Variants in FGL1 observed in about 807,000 individuals in gnomAD.
The protein encoded by FGL1 is fibrinogen like 1, also known as fibrinogen-like protein 1.
Under a neutral mutation model 43.7 loss-of-function variants are expected in FGL1, and 59 were observed. The ratio of observed to expected loss-of-function variants is 1.35; its 90% CI spans 1.10 to 1.68. The LOEUF (loss-of-function observed/expected upper bound fraction) is 1.68, where lower values mean the gene tolerates loss of function less well. FGL1 is among the 40% of genes most tolerant of loss of function. The probability of loss-of-function intolerance (pLI) is 0.00; values close to 1 mark genes in which losing one functional copy is unlikely to be tolerated. For synonymous variants in FGL1, 192 were observed against 126.5 expected, an observed-to-expected ratio of 1.52 and a Z score of -3.48; for missense variants, 596 against 373.0, an observed-to-expected ratio of 1.60 and a Z score of -4.92.
At chr8:17,885,418 T>G in intron 2 of FGL1, 74 bp downstream of exon 2, 1 of 1,272,444 alleles carries the variant, frequency 7.9e-7, no homozygotes, top group South Asian at 1.3e-5. Flanking sequence ...ACTATAGGTT[T>G]AATGCAAAAT....
intron 3 of FGL1, among the ~76,000 whole-genome samples, chr8:17,875,493 T>TCCG (rs1563452155): frequency 2.7e-4 from 2 of 7,448 alleles, no homozygotes; most frequent in East Asian, 2.9e-3. Context: ...CTTTCTTTCT[T>TCCG]TCTTTCTTTC....
At chr8:17,871,747 G>T (rs1393028319) in intron 5 of FGL1, among the ~76,000 whole-genome samples, 1 of 152,132 alleles carries the variant, frequency 6.6e-6, no homozygotes, top group Non-Finnish European at 1.5e-5. Flanking sequence ...ACTGGCTATT[G>T]TCTGGATTGA....
At chr8:17,893,480 T>TA (rs2129442441) in intron 1 of FGL1, among the ~76,000 whole-genome samples, 1 of 150,730 alleles carries the variant, frequency 6.6e-6, no homozygotes, top group African/African-American at 2.4e-5. Flanking sequence ...TTAGATTTAG[T>TA]AAAAAATAAA....
Position 17,864,792 on chromosome 8 carries a change from T to C in FGL1, c.780-41A>G, listed in dbSNP as rs199847877. ...AAAAAAAAGAAAACAACAATCAGAC[T>C]GGAAAAATATTGTTCAGAATCCCTT... On this transcript the variant is annotated intron_variant, in intron 7 of 7. Coordinates refer to ENST00000427924, the MANE Select transcript of FGL1 (RefSeq NM_004467.4). The C allele has an allele frequency of 1.5e-5, 21 of 1,402,166 alleles. No individual in the cohort carries two copies. In the Admixed American group the frequency reaches 4.4e-4, roughly 29 times the overall value. The allele number at this position is 1,402,166 out of a possible 1,614,324, so 86.9% of individuals were successfully genotyped here.
chr8:17,884,439 C>A (rs1034609275), intron 2 of FGL1, among the ~76,000 whole-genome samples: 2 of 152,150 alleles, frequency 1.3e-5, no homozygotes, highest in Non-Finnish European at 2.9e-5. Context: ...AAGCGATCCA[C>A]CCACCTCGGC....
rs1563452221 is a variant in FGL1, at chr8:17,875,507, CTTTCTTTCTTTCTTTCTTTCTTTCTTTCT to C, written c.245-1015_245-987del. Among the ~76,000 whole-genome samples, 10 of 8,294 alleles carry C rather than the reference CTTTCTTTCTTTCTTTCTTTCTTTCTTTCT, an allele frequency of 1.2e-3. 1 individual carries two copies. The highest frequency in any genetic ancestry group is 4.3e-3 in the African/African-American group (9 of 2,096). The allele number at this position is 8,294 out of a possible 152,430, so 5.4% of individuals were successfully genotyped here. Reference sequence around the variant, plus strand: ...TCTTTCTTTCTTTCTTTCTTTCTTTCTTTCTTTCTTTCTTTCTTTCTTTCTTTCTCTTTCTTTCTTTCTTTCTTTCTTTC... The same window carrying C: ...TCTTTCTTTCTTTCTTTCTTTCTTTCCTTTCTTTCTTTCTTTCTTTCTTTC... On this transcript the variant is annotated intron_variant, in intron 3 of 7. Transcript: ENST00000427924.
chr8:17,873,240 G>A lies in FGL1; in HGVS notation c.502+779C>T, dbSNP rs145867690. Among the ~76,000 whole-genome samples the A allele has an allele frequency of 1.5e-3, 232 of 152,220 alleles. 1 individual carries two copies. The highest frequency in any genetic ancestry group is 5.3e-3 in the African/African-American group (221 of 41,524). On this transcript the variant is annotated intron_variant, in intron 5 of 7. Coordinates refer to ENST00000427924, the MANE Select transcript of FGL1 (RefSeq NM_004467.4). Reference sequence around the variant, plus strand: ...ACCAATAGAAGAAAAATGACTCCATGCCAATTCTGGGCCTAGATCTCAAGA... The same window carrying A: ...ACCAATAGAAGAAAAATGACTCCATACCAATTCTGGGCCTAGATCTCAAGA...
At chr8:17,867,738 G>A (rs1394314881) in intron 7 of FGL1, among the ~76,000 whole-genome samples, 1 of 152,194 alleles carries the variant, frequency 6.6e-6, no homozygotes, top group Non-Finnish European at 1.5e-5. Flanking sequence ...TGGGCAGAAA[G>A]AATCCAATGG....
Position 17,864,469 on chromosome 8 carries a change from G to C in FGL1, c.*123C>G. Reference sequence around the variant, plus strand: ...CACATTAAGTAACAAAGGCAAGTGAGAAGAATGAAAAGCACTACTCACAAC... The same window carrying C: ...CACATTAAGTAACAAAGGCAAGTGACAAGAATGAAAAGCACTACTCACAAC... On this transcript the variant is annotated 3_prime_UTR_variant, in exon 8 of 8. Transcript: ENST00000427924. The C allele has an allele frequency of 9.7e-7, 1 of 1,028,574 alleles. No individual in the cohort carries two copies. Among genetic ancestry groups the C allele is most frequent in the Non-Finnish European group, 1.4e-6 (1 of 727,200 alleles). The allele number at this position is 1,028,574 out of a possible 1,614,324, so 63.7% of individuals were successfully genotyped here.
Position 17,874,420 on chromosome 8 carries a change from C to T in FGL1, c.346G>A (p.Asp116Asn), listed in dbSNP as rs142975385. Reference protein sequence around the residue: ...AEFSVYCDMSDGGGWTVIQRR... With the variant: ...AEFSVYCDMSNGGGWTVIQRR... Reference sequence around the variant, plus strand: ...TGAATTACAGTCCATCCTCCTCCATCGGACATGTCACAATAAACAGAAAAT... The same window carrying T: ...TGAATTACAGTCCATCCTCCTCCATTGGACATGTCACAATAAACAGAAAAT... The change falls in exon 4 of 8, where the codon GAT becomes AAT. Residue 116 changes from aspartate to asparagine, a missense_variant. Physicochemically the swap from Asp to Asn is conservative, Grantham distance 23. Coordinates refer to ENST00000427924, the MANE Select transcript of FGL1 (RefSeq NM_004467.4). 3.5e-5 allele frequency: 56 copies of T among 1,614,010 alleles called. No individual in the cohort carries two copies. The highest frequency in any genetic ancestry group is 1.1e-4 in the African/African-American group (8 of 74,926).
At chr8:17,876,624 G>T (rs1183406800) in intron 3 of FGL1, among the ~76,000 whole-genome samples, 2 of 152,146 alleles carry the variant, frequency 1.3e-5, no homozygotes, top group African/African-American at 4.8e-5. Context: ...ACATCTTGTA[G>T]TCAAGTATAT....
chr8:17,874,575 G>C (rs2517294), intron 3 of FGL1, 54 bp from the exon 4 acceptor site: 1,089,737 of 1,449,746 alleles, frequency 0.75, 412,721 homozygotes, highest in Non-Finnish European at 0.79. Context: ...TTCTCCCCCC[G>C]CCTTAGGGAG....
chr8:17,877,101 T>A (rs1017558477), intron 3 of FGL1, among the ~76,000 whole-genome samples: 1 of 152,150 alleles, frequency 6.6e-6, no homozygotes, highest in African/African-American at 2.4e-5. Flanking sequence ...GCAGAAAGTA[T>A]GAAAAATGTA....
At chr8:17,866,670 A>T (rs1477483354) in intron 7 of FGL1, among the ~76,000 whole-genome samples, 1 of 152,174 alleles carries the variant, frequency 6.6e-6, no homozygotes, top group African/African-American at 2.4e-5. Context: ...AGTCAGGTAA[A>T]TCGTTCCTTT....
chr8:17,871,166 A>G (rs2053354046), intron 5 of FGL1, among the ~76,000 whole-genome samples: 2 of 152,134 alleles, frequency 1.3e-5, no homozygotes, highest in South Asian at 4.1e-4. Context: ...GTATAAGAGC[A>G]GCAAGGCAGG....
chr8:17,874,183 C>A, intron 4 of FGL1, 67 bp from the exon 5 acceptor site: 1 of 1,385,088 alleles, frequency 7.2e-7, no homozygotes, highest in South Asian at 1.2e-5. Flanking sequence ...GACCACCACC[C>A]ACCCCCTGCT....
intron 1 of FGL1, chr8:17,891,667 G>T: frequency 3.0e-6 from 3 of 985,150 alleles, no homozygotes; most frequent in Non-Finnish European, 3.6e-6. Context: ...TAGATGAGAA[G>T]AAAACTTGTA....
chr8:17,880,487 A>T lies in FGL1; in HGVS notation c.244+1512T>A, dbSNP rs547764863. On this transcript the variant is annotated intron_variant, in intron 3 of 7. Coordinates refer to ENST00000427924, the MANE Select transcript of FGL1 (RefSeq NM_004467.4). ...CTCTACAGTCTTTCAATTCTAGTCA[A>T]ATAGGTGTCCGAATTTATATTTGCT... Among the ~76,000 whole-genome samples, 9 of 152,310 alleles carry T rather than the reference A, an allele frequency of 5.9e-5. No individual in the cohort carries two copies. In the East Asian group the frequency reaches 1.5e-3, roughly 26 times the overall value.
At chr8:17,875,840 C>G (rs2131712670) in intron 3 of FGL1, among the ~76,000 whole-genome samples, 1 of 152,188 alleles carries the variant, frequency 6.6e-6, no homozygotes, top group East Asian at 1.9e-4. Context: ...CTCCTGAGGT[C>G]AGGCCATCCG....
Sources: gnomAD v4.1 joint callset for allele counts (sites outside exome capture counted in the v4.1 genomes callset) on GRCh38, gnomAD v4.1.1 for gene constraint, MANE v1.5 for transcripts, NCBI Gene and HGNC (gene_info 2026-07-23, HGNC 2026-07-21) for gene names.